Variants in CTNNA3 observed in about 807,000 individuals in gnomAD.
CTNNA3 encodes catenin alpha-3.
A neutral mutation model predicts 95.7 loss-of-function variants in CTNNA3; 76 were observed. The ratio of observed to expected loss-of-function variants is 0.79; its 90% CI spans 0.66 to 0.96. The LOEUF (loss-of-function observed/expected upper bound fraction) is 0.96, where lower values mean the gene tolerates loss of function less well. CTNNA3 is among the 40% of genes least tolerant of loss of function. CTNNA3 has a pLI of 0.00. For synonymous variants in CTNNA3, 431 were observed against 374.4 expected (o/e 1.15, Z -1.74); for missense variants, 1,191 against 1,089.8 (o/e 1.09, Z -1.31).
chr10:66,248,744 T>C (rs1022119829), intron 13 of CTNNA3, among the ~76,000 whole-genome samples: 4 of 152,096 alleles, frequency 2.6e-5, no homozygotes, highest in African/African-American at 9.7e-5. Context: ...GAGATATAAA[T>C]TGCAAATATT....
At chr10:67,476,073 TA>T (rs1847998282) in intron 5 of CTNNA3, among the ~76,000 whole-genome samples, 1 of 152,220 alleles carries the variant, frequency 6.6e-6, no homozygotes, top group Admixed American at 6.5e-5. Context: ...TTTAACTGAA[TA>T]CCCAGAAATG....
At chr10:67,726,422 T>TA (rs1841219960) in intron 1 of CTNNA3, among the ~76,000 whole-genome samples, 1 of 41,688 alleles carries the variant, frequency 2.4e-5, no homozygotes, top group South Asian at 9.7e-4. Context: ...TATAATATTA[T>TA]ATATTATATC....
chr10:67,563,664 C>T (rs1841630071), intron 3 of CTNNA3, among the ~76,000 whole-genome samples: 3 of 152,116 alleles, frequency 2.0e-5, no homozygotes, highest in African/African-American at 2.4e-5. Flanking sequence ...AACTAAAGAG[C>T]TTCTGCACAG....
At chr10:66,806,924 T>C (rs989957427) in intron 7 of CTNNA3, among the ~76,000 whole-genome samples, 2 of 151,948 alleles carry the variant, frequency 1.3e-5, no homozygotes, top group African/African-American at 2.4e-5. Flanking sequence ...GAGACATCTA[T>C]GTTGATAGAA....
chr10:67,566,933 A>G (rs1335161759), intron 3 of CTNNA3, among the ~76,000 whole-genome samples: 2 of 150,060 alleles, frequency 1.3e-5, no homozygotes, highest in East Asian at 4.0e-4. Context: ...AAAAAACCAA[A>G]CACCACATGT....
At chr10:66,498,295 T>C (rs886760856) in intron 11 of CTNNA3, among the ~76,000 whole-genome samples, 2 of 152,114 alleles carry the variant, frequency 1.3e-5, no homozygotes, top group Admixed American at 1.3e-4. Flanking sequence ...AATAAATATA[T>C]ACTTCCTTAT....
At chr10:66,366,500 C>G (rs1433562809) in intron 12 of CTNNA3, among the ~76,000 whole-genome samples, 1 of 152,066 alleles carries the variant, frequency 6.6e-6, no homozygotes, top group Non-Finnish European at 1.5e-5. Flanking sequence ...GATGGTTCTG[C>G]CTTCATGAAC....
intron 7 of CTNNA3, among the ~76,000 whole-genome samples, chr10:66,985,156 A>G (rs1002700969): frequency 6.6e-6 from 1 of 152,194 alleles, no homozygotes; most frequent in Non-Finnish European, 1.5e-5. Context: ...CCACAAAGGT[A>G]TTTCCTACCA....
At chr10:67,438,032 TA>T (rs574099763) in intron 5 of CTNNA3, among the ~76,000 whole-genome samples, 23 of 149,204 alleles carry the variant, frequency 1.5e-4, no homozygotes, top group South Asian at 4.3e-4. Context: ...TTAAACTTGC[TA>T]AAAAAAAAGA....
intron 5 of CTNNA3, among the ~76,000 whole-genome samples, chr10:67,318,102 G>C (rs930794699): frequency 6.6e-6 from 1 of 152,000 alleles, no homozygotes; most frequent in Non-Finnish European, 1.5e-5. Context: ...AGGAGAAAAT[G>C]CCTATTAGGT....
chr10:67,228,918 A>T (rs1865062659), intron 5 of CTNNA3, among the ~76,000 whole-genome samples: 1 of 152,178 alleles, frequency 6.6e-6, no homozygotes, highest in Non-Finnish European at 1.5e-5. Flanking sequence ...AACCCTTTTG[A>T]CACTATTCCA....
At chr10:66,595,089 T>C (rs1234024581) in intron 10 of CTNNA3, among the ~76,000 whole-genome samples, 2 of 151,948 alleles carry the variant, frequency 1.3e-5, no homozygotes, top group Non-Finnish European at 2.9e-5. Context: ...CAAACACCCA[T>C]GGTCAAAAAT....
At chr10:67,183,990 C>T (rs999756242) in intron 6 of CTNNA3, among the ~76,000 whole-genome samples, 5 of 152,060 alleles carry the variant, frequency 3.3e-5, no homozygotes, top group African/African-American at 1.2e-4. Flanking sequence ...GGAGCCAAAT[C>T]GGGACTGTAA....
chr10:66,605,368 C>A (rs1316558681), intron 10 of CTNNA3, among the ~76,000 whole-genome samples: 4 of 152,070 alleles, frequency 2.6e-5, no homozygotes, highest in African/African-American at 7.2e-5. Flanking sequence ...AGAGTATAAG[C>A]AACTTGGAAA....
At chr10:66,367,874 AATAATAATTATTATTATTATTATTATT>A (rs1248293121) in intron 12 of CTNNA3, among the ~76,000 whole-genome samples, 3,376 of 42,864 alleles carry the variant, frequency 0.079, 63 homozygotes, top group South Asian at 0.14. Flanking sequence ...TAATAATAAT[AATAATAATTATTATTATTATTATTATT>A]ATTATTATTA....
At chr10:67,642,809 A>AT (rs1839581321) in intron 2 of CTNNA3, among the ~76,000 whole-genome samples, 1 of 152,206 alleles carries the variant, frequency 6.6e-6, no homozygotes, top group Non-Finnish European at 1.5e-5. Context: ...CTTATTAAAA[A>AT]GTCAAAAAAC....
At chr10:66,242,777 A>C (rs576533665) in intron 13 of CTNNA3, among the ~76,000 whole-genome samples, 14 of 152,326 alleles carry the variant, frequency 9.2e-5, no homozygotes, top group African/African-American at 3.4e-4. Context: ...AATAAAATTT[A>C]AGCAGGAGAA....
At chr10:66,910,138 G>A (rs1335576551) in intron 7 of CTNNA3, among the ~76,000 whole-genome samples, 1 of 152,138 alleles carries the variant, frequency 6.6e-6, no homozygotes, top group Admixed American at 6.5e-5. Flanking sequence ...AAAACTAAAG[G>A]AAGACTATTC....
intron 9 of CTNNA3, among the ~76,000 whole-genome samples, chr10:66,623,137 C>G (rs1356696781): frequency 2.0e-5 from 3 of 152,048 alleles, no homozygotes; most frequent in Non-Finnish European, 4.4e-5. Flanking sequence ...TTCCACTCCC[C>G]AAACCCCAAT....
Sources: gnomAD v4.1 joint callset for allele counts (sites outside exome capture counted in the v4.1 genomes callset) on GRCh38, gnomAD v4.1.1 for gene constraint, MANE v1.5 for transcripts, NCBI Gene and HGNC (gene_info 2026-07-23, HGNC 2026-07-21) for gene names.